DYNC1I1: variants seen among roughly 807,000 people sequenced by gnomAD.
DYNC1I1 encodes dynein cytoplasmic 1 intermediate chain 1.
In DYNC1I1, 43 loss-of-function variants were observed where a neutral mutation model predicts 86.6. The observed-to-expected ratio is 0.50, with a 90% CI of 0.39 to 0.64. The LOEUF (loss-of-function observed/expected upper bound fraction) is 0.64. DYNC1I1 is among the 30% of genes least tolerant of loss of function. The probability of loss-of-function intolerance (pLI) is 0.00; values close to 1 mark genes in which losing one functional copy is unlikely to be tolerated. For missense variants in DYNC1I1, 604 were observed against 788.8 expected (o/e 0.77, Z 2.81); for synonymous variants, 262 against 283.7 (o/e 0.92, Z 0.77).
intron 10 of DYNC1I1, among the ~76,000 whole-genome samples, chr7:96,010,031 G>T (rs542451736): frequency 6.6e-6 from 1 of 151,930 alleles, no homozygotes; most frequent in Admixed American, 6.6e-5. Context: ...CACCCGTCTC[G>T]GCCTCCCCAG....
At chr7:95,776,720 G>A (rs897895263) in intron 1 of DYNC1I1, among the ~76,000 whole-genome samples, 1 of 152,192 alleles carries the variant, frequency 6.6e-6, no homozygotes, top group African/African-American at 2.4e-5. Flanking sequence ...GAGTCCAGGT[G>A]GCAGGTATAG....
At chr7:95,922,285 T>A (rs1473997936) in intron 6 of DYNC1I1, among the ~76,000 whole-genome samples, 1 of 152,150 alleles carries the variant, frequency 6.6e-6, no homozygotes, top group African/African-American at 2.4e-5. Context: ...GGAAACATAT[T>A]TCAAACGTTA....
intron 6 of DYNC1I1, among the ~76,000 whole-genome samples, chr7:95,935,062 A>G (rs1792003511): frequency 6.6e-6 from 1 of 151,976 alleles, no homozygotes; most frequent in African/African-American, 2.4e-5. Flanking sequence ...ACAATGTCCT[A>G]TAGCAGATCT....
intron 16 of DYNC1I1, among the ~76,000 whole-genome samples, chr7:96,086,821 A>T (rs572425029): frequency 5.3e-5 from 8 of 152,208 alleles, no homozygotes; most frequent in Non-Finnish European, 1.0e-4. Context: ...TCAAGAGAGA[A>T]AAGTTTATTT....
At chr7:95,913,232 T>C (rs1303591986) in intron 6 of DYNC1I1, among the ~76,000 whole-genome samples, 1 of 152,190 alleles carries the variant, frequency 6.6e-6, no homozygotes, top group Non-Finnish European at 1.5e-5. Flanking sequence ...TATTTTTTAG[T>C]TCTCTTGAAA....
intron 6 of DYNC1I1, among the ~76,000 whole-genome samples, chr7:95,913,330 A>T (rs970541366): frequency 2.6e-5 from 4 of 152,194 alleles, no homozygotes; most frequent in African/African-American, 9.6e-5. Context: ...ATGGTGCCAC[A>T]CATATGAAAG....
At chr7:95,916,463 G>A (rs1175934111) in intron 6 of DYNC1I1, among the ~76,000 whole-genome samples, 1 of 152,092 alleles carries the variant, frequency 6.6e-6, no homozygotes, top group Non-Finnish European at 1.5e-5. Context: ...TTTAATATTT[G>A]AATATGTTTA....
intron 14 of DYNC1I1, among the ~76,000 whole-genome samples, chr7:96,043,167 CAAAAAAA>C (rs111888029): frequency 1.6e-5 from 1 of 63,468 alleles, no homozygotes; most frequent in East Asian, 4.8e-4. Flanking sequence ...GACTCCATCT[CAAAAAAA>C]AAAAAAAAAG....
intron 6 of DYNC1I1, among the ~76,000 whole-genome samples, chr7:95,912,547 TA>T (rs1412038387): frequency 9.8e-5 from 15 of 152,304 alleles, no homozygotes; most frequent in African/African-American, 3.1e-4. Context: ...GAATAATTAA[TA>T]ATGAGAAATC....
intron 6 of DYNC1I1, among the ~76,000 whole-genome samples, chr7:95,974,331 C>T (rs1793249308): frequency 6.6e-6 from 1 of 152,172 alleles, no homozygotes; most frequent in Admixed American, 6.6e-5. Context: ...AGTAAGTGCT[C>T]AGTCAATATT....
chr7:95,968,556 A>G (rs1793077052), intron 6 of DYNC1I1, among the ~76,000 whole-genome samples: 1 of 152,180 alleles, frequency 6.6e-6, no homozygotes, highest in Non-Finnish European at 1.5e-5. Flanking sequence ...TTTGGGACAG[A>G]TCTACAGTCA....
intron 6 of DYNC1I1, among the ~76,000 whole-genome samples, chr7:95,960,234 G>A (rs1327393123): frequency 6.6e-6 from 1 of 151,984 alleles, no homozygotes. Context: ...AGCCTCCCGA[G>A]TAGCTGGGAT....
chr7:95,940,659 A>C (rs889980010), intron 6 of DYNC1I1, among the ~76,000 whole-genome samples: 7 of 152,074 alleles, frequency 4.6e-5, no homozygotes, highest in Non-Finnish European at 8.8e-5. Context: ...CAGCTCCTTT[A>C]AGCACTTCTC....
intron 14 of DYNC1I1, among the ~76,000 whole-genome samples, chr7:96,066,685 T>C (rs1030021600): frequency 2.6e-5 from 4 of 152,254 alleles, no homozygotes; most frequent in African/African-American, 9.6e-5. Context: ...AATAGCTATG[T>C]ATTCTACCTC....
intron 6 of DYNC1I1, among the ~76,000 whole-genome samples, chr7:95,948,327 C>G (rs759302793): frequency 3.3e-5 from 5 of 152,144 alleles, no homozygotes; most frequent in African/African-American, 7.2e-5. Flanking sequence ...GTTGAAGCTG[C>G]AGATCTGGGA....
chr7:95,927,986 G>A (rs1335293128), intron 6 of DYNC1I1, among the ~76,000 whole-genome samples: 2 of 152,212 alleles, frequency 1.3e-5, no homozygotes, highest in Non-Finnish European at 2.9e-5. Flanking sequence ...ATAGCAGGAG[G>A]GCTGTGTTGT....
chr7:96,096,277 T>C (rs1171987680), intron 16 of DYNC1I1, among the ~76,000 whole-genome samples: 1 of 152,102 alleles, frequency 6.6e-6, no homozygotes, highest in Non-Finnish European at 1.5e-5. Context: ...TTTCCAGCTG[T>C]AGAAGCAATC....
chr7:96,040,061 C>G (rs1788990626), intron 14 of DYNC1I1, among the ~76,000 whole-genome samples: 1 of 151,800 alleles, frequency 6.6e-6, no homozygotes, highest in Admixed American at 6.6e-5. Context: ...TGGTGAAGCC[C>G]CATTTCTACT....
chr7:95,828,453 TC>T (rs1795250957), intron 5 of DYNC1I1, among the ~76,000 whole-genome samples: 1 of 152,142 alleles, frequency 6.6e-6, no homozygotes, highest in Non-Finnish European at 1.5e-5. Context: ...ATCATCACCA[TC>T]CTCCCCTTTA....
Sources: allele counts gnomAD v4.1 joint callset (sites outside exome capture counted in the v4.1 genomes callset), GRCh38; gene constraint gnomAD v4.1.1; transcripts MANE v1.5; gene names NCBI Gene and HGNC (gene_info 2026-07-23, HGNC 2026-07-21).